Variants in PDE5A observed in about 807,000 individuals in gnomAD.
PDE5A encodes phosphodiesterase 5A.
Under a neutral mutation model 110.2 loss-of-function variants are expected in PDE5A, and 67 were observed. The observed-to-expected ratio is 0.61, with a 90% confidence interval of 0.50 to 0.75. The LOEUF (loss-of-function observed/expected upper bound fraction) is 0.75. PDE5A is among the 30% of genes least tolerant of loss of function. The pLI, the probability that PDE5A is intolerant of heterozygous loss-of-function variation, is 0.00. For synonymous variants in PDE5A, 328 were observed against 351.2 expected (o/e 0.93, Z 0.74); for missense variants, 862 against 1,045.1 (o/e 0.82, Z 2.42).
At chr4:119,591,251 C>T (rs1190804988) in intron 3 of PDE5A, among the ~76,000 whole-genome samples, 1 of 152,168 alleles carries the variant, frequency 6.6e-6, no homozygotes, top group Non-Finnish European at 1.5e-5. Context: ...TTCTACATCT[C>T]CTTTTAAAGA....
chr4:119,607,062 T>G lies in PDE5A; in HGVS notation c.388A>C (p.Lys130Gln). Residue 130 changes from lysine to glutamine, a missense_variant, in exon 2 of 21, where the codon AAG (lysine) becomes CAG (glutamine). Physicochemically the swap from Lys to Gln is moderately conservative, Grantham distance 53. Transcript: ENST00000354960. ...GTVSFLSDSE[K>Q]KEQMPLTPPR... ...GGGGTTAGAGGCATCTGTTCCTTCT[T>G]TTCTGAGTCAGAGAGGAAGCTCACA... 6.2e-7 allele frequency: 1 copy of G among 1,614,150 alleles called. No homozygotes were observed. The highest frequency in any genetic ancestry group is 8.5e-7 in the Non-Finnish European group (1 of 1,180,006).
At chr4:119,535,800 C>T (rs1002655084) in intron 11 of PDE5A, among the ~76,000 whole-genome samples, 5 of 151,956 alleles carry the variant, frequency 3.3e-5, no homozygotes, top group African/African-American at 7.3e-5. Context: ...TGGACACAGG[C>T]GTAAATATTT....
intron 3 of PDE5A, among the ~76,000 whole-genome samples, chr4:119,567,822 T>A (rs1474245257): frequency 6.6e-6 from 1 of 152,168 alleles, no homozygotes; most frequent in Non-Finnish European, 1.5e-5. Context: ...CCACCTTCAT[T>A]TTGAGTTATT....
rs973605057 is a variant in PDE5A, at chr4:119,520,322, G to A, written c.1905+613C>T. 3.3e-5 allele frequency among the ~76,000 whole-genome samples: 5 copies of A among 152,172 alleles called. No homozygotes were observed. In the East Asian group the frequency reaches 7.7e-4, roughly 24 times the overall value. On this transcript the variant is annotated intron_variant, in intron 13 of 20. Transcript: ENST00000354960. ...AATCACTTACCTAGAATAACTAGTC[G>A]ATTCCCACTGAAGTTAGAATCTAAG...
intron 3 of PDE5A, among the ~76,000 whole-genome samples, chr4:119,592,023 G>A (rs559150841): frequency 9.9e-5 from 15 of 151,416 alleles, no homozygotes; most frequent in Admixed American, 7.2e-4. Flanking sequence ...GGTGGCGCAC[G>A]CCTGTAGTCC....
chr4:119,582,164 C>A (rs1728609727), intron 3 of PDE5A, among the ~76,000 whole-genome samples: 1 of 152,180 alleles, frequency 6.6e-6, no homozygotes, highest in Non-Finnish European at 1.5e-5. Context: ...TGGAGTCAAT[C>A]TTTTCAAGGC....
At chr4:119,559,102 T>C (rs986518108) in intron 7 of PDE5A, among the ~76,000 whole-genome samples, 1 of 152,176 alleles carries the variant, frequency 6.6e-6, no homozygotes, top group African/African-American at 2.4e-5. Flanking sequence ...ATACTAAGAC[T>C]GTCTTGGAAT....
chr4:119,533,458 A>C (rs1291129209), intron 11 of PDE5A, among the ~76,000 whole-genome samples: 1 of 152,188 alleles, frequency 6.6e-6, no homozygotes. Flanking sequence ...ATTAGTTTAT[A>C]AGGCTTTTAG....
At chr4:119,615,095 T>C (rs899027169) in intron 1 of PDE5A, among the ~76,000 whole-genome samples, 1 of 152,124 alleles carries the variant, frequency 6.6e-6, no homozygotes, top group African/African-American at 2.4e-5. Flanking sequence ...GAGTTTGAGA[T>C]CTTCAGTGGT....
chr4:119,504,255 A>T (rs2110455331), intron 18 of PDE5A, among the ~76,000 whole-genome samples: 1 of 152,266 alleles, frequency 6.6e-6, no homozygotes, highest in South Asian at 2.1e-4. Flanking sequence ...CTCCAGCTCC[A>T]ATCATGTTGC....
chr4:119,534,318 T>C (rs1370307623), intron 11 of PDE5A, among the ~76,000 whole-genome samples: 1 of 115,070 alleles, frequency 8.7e-6, no homozygotes, highest in East Asian at 2.7e-4. Flanking sequence ...GTAGTGGGAG[T>C]GAGAATTACT....
At chr4:119,608,103 A>T (rs940914559) in intron 1 of PDE5A, among the ~76,000 whole-genome samples, 1 of 152,236 alleles carries the variant, frequency 6.6e-6, no homozygotes, top group East Asian at 1.9e-4. Flanking sequence ...GATTAATGAA[A>T]GAAACAAATA....
At chr4:119,504,740 C>T (rs1725499147) in intron 17 of PDE5A, 141 bp from the exon 18 acceptor site, 1 of 537,518 alleles carries the variant, frequency 1.9e-6, no homozygotes, top group Non-Finnish European at 3.3e-6. Flanking sequence ...GAAAAAGAAA[C>T]AATTTATATG....
chr4:119,586,329 T>C (rs1337407939), intron 3 of PDE5A, among the ~76,000 whole-genome samples: 1 of 152,234 alleles, frequency 6.6e-6, no homozygotes, highest in Non-Finnish European at 1.5e-5. Context: ...TTCCATTCTA[T>C]GATCAAAAGC....
At chr4:119,518,069 T>C (rs1257532296) in intron 14 of PDE5A, among the ~76,000 whole-genome samples, 1 of 152,230 alleles carries the variant, frequency 6.6e-6, no homozygotes, top group African/African-American at 2.4e-5. Flanking sequence ...GAGGACATGG[T>C]TGTTACATCA....
intron 13 of PDE5A, among the ~76,000 whole-genome samples, chr4:119,520,004 A>T (rs186659299): frequency 6.6e-6 from 1 of 152,252 alleles, no homozygotes; most frequent in Admixed American, 6.5e-5. Context: ...TCAACCAGTA[A>T]GTATAATGCA....
At chr4:119,607,638 G>A (rs1560639791) in intron 1 of PDE5A, among the ~76,000 whole-genome samples, 1 of 152,038 alleles carries the variant, frequency 6.6e-6, no homozygotes, top group Non-Finnish European at 1.5e-5. Flanking sequence ...TGGGGAGACT[G>A]AGGCAGGAGG....
In PDE5A at chr4:119,507,856, C is replaced by G. The variant is rs558339903; in HGVS notation, c.2089-152G>C. 4 of 598,602 alleles carry G rather than the reference C, an allele frequency of 6.7e-6. No homozygotes were observed. The South Asian group carries it at 8.2e-5, about 12-fold the overall frequency. 37.1% of individuals were successfully genotyped at this position (598,602 alleles called of 1,614,324 possible). A position where few individuals can be genotyped will look rare whatever the true frequency, so the allele number is the denominator to read the frequency against. ...AATACCATGAAATAAAGTTTCCCCT[C>G]TATGTTCCCACCCAACCCCTCTGTC... is the stretch of plus-strand genomic sequence containing the variant. On this transcript the variant is annotated intron_variant, in intron 15 of 20. Coordinates refer to ENST00000354960, the MANE Select transcript of PDE5A (RefSeq NM_001083.4).
In PDE5A at chr4:119,495,725, A is replaced by G. The variant is rs200792104; in HGVS notation, c.*2876T>C. 18 of 152,372 alleles carry G rather than the reference A, an allele frequency of 1.2e-4. No homozygotes were observed. The highest frequency in any genetic ancestry group is 2.2e-4 in the Non-Finnish European group (15 of 68,038). The allele number at this position is 152,372 out of a possible 1,614,324, so 9.4% of individuals were successfully genotyped here. On this transcript the variant is annotated 3_prime_UTR_variant, in exon 21 of 21. Coordinates refer to ENST00000354960, the MANE Select transcript of PDE5A (RefSeq NM_001083.4). ...AAGAGACAGTGGTGACAACATCATC[A>G]TCCTGGGTTTGTACCTTGAAGCAAT... is the stretch of plus-strand genomic sequence containing the variant.
Sources: gnomAD v4.1 joint callset for allele counts (sites outside exome capture counted in the v4.1 genomes callset) on GRCh38, gnomAD v4.1.1 for gene constraint, MANE v1.5 for transcripts, NCBI Gene and HGNC (gene_info 2026-07-23, HGNC 2026-07-21) for gene names.